The following LRRFIP1 variants were observed in gnomAD, a reference collection of about 807,000 sequenced individuals.
LRRFIP1 encodes the protein LRR binding FLII interacting protein 1.
Under a neutral mutation model 104.4 loss-of-function variants are expected in LRRFIP1, and 62 were observed. The observed-to-expected ratio is 0.59, with a 90% CI of 0.48 to 0.73. The LOEUF (loss-of-function observed/expected upper bound fraction) is 0.73, where lower values mean the gene tolerates loss of function less well. LRRFIP1 is among the 30% of genes least tolerant of loss of function. The probability of loss-of-function intolerance (pLI) is 0.00; values close to 1 mark genes in which losing one functional copy is unlikely to be tolerated. For missense variants in LRRFIP1, 796 were observed against 824.5 expected (o/e 0.97, Z 0.42); for synonymous variants, 300 against 299.0 (o/e 1.00, Z -0.03).
intron 11 of LRRFIP1, among the ~76,000 whole-genome samples, chr2:237,742,342 C>T (rs76819298): frequency 0.054 from 8,226 of 152,206 alleles, 336 homozygotes; most frequent in East Asian, 0.14. Flanking sequence ...AGGTCAGTCC[C>T]GCAGTGAGGG....
intron 1 of LRRFIP1, among the ~76,000 whole-genome samples, chr2:237,628,666 C>T (rs1045280695): frequency 6.6e-6 from 1 of 152,154 alleles, no homozygotes; most frequent in Non-Finnish European, 1.5e-5. Context: ...TGTAACCCGC[C>T]TTACAGGTTC....
At chr2:237,694,407 A>G (rs923743734) in intron 1 of LRRFIP1, among the ~76,000 whole-genome samples, 1 of 152,022 alleles carries the variant, frequency 6.6e-6, no homozygotes, top group Non-Finnish European at 1.5e-5. Flanking sequence ...AGTTCCTGTT[A>G]AGAGGCTAAT....
At position 237,766,163 on chromosome 2, in the gene LRRFIP1, T is replaced by C. The variant is rs2060240297; in HGVS notation, c.1460-3780T>C. 6.6e-6 allele frequency among the ~76,000 whole-genome samples: 1 copy of C among 152,190 alleles called. No homozygotes were observed. The highest frequency in any genetic ancestry group is 2.4e-5 in the African/African-American group (1 of 41,440). On this transcript the variant is annotated intron_variant, in intron 19 of 23. Transcript: ENST00000308482. This position sits in a 1 kb window ranked among gnomAD's most constrained non-coding sequence, Gnocchi z 4.8. ...CACCATCCCCTGTGATCTGTGGTTC[T>C]GATGTGCAGCCTCAGCTGAAAACGG...
At position 237,739,301 on chromosome 2, in the gene LRRFIP1, A is replaced by G; in HGVS notation, c.625A>G (p.Ser209Gly). The change falls in exon 11 of 24, where the codon AGC becomes GGC. Residue 209 changes from serine (S) to glycine (G), a missense_variant. By Grantham distance (56) the Ser-to-Gly change is moderately conservative (BLOSUM62 0). Coordinates refer to ENST00000308482, the MANE Select transcript of LRRFIP1 (RefSeq NM_001137550.2). ...ASSRASSARA[S>G]PVVEERPEKD... ...CTCCAGGGCCAGCTCGGCCCGGGCC[A>G]GCCCTGTGGTAAGTCGGCCTCCTGG... 1 of 1,559,260 alleles carries G rather than the reference A, an allele frequency of 6.4e-7. No homozygotes were observed.
intron 1 of LRRFIP1, among the ~76,000 whole-genome samples, chr2:237,681,667 G>A (rs936362915): frequency 7.8e-5 from 9 of 115,070 alleles, no homozygotes; most frequent in Non-Finnish European, 1.4e-4. Context: ...GTGCCCGGCC[G>A]CAGTCCTATT....
chr2:237,708,229 C>T (rs1391928337), intron 1 of LRRFIP1, among the ~76,000 whole-genome samples: 1 of 152,198 alleles, frequency 6.6e-6, no homozygotes, highest in Non-Finnish European at 1.5e-5. Context: ...TCTGTGCCTT[C>T]GTTCCCTCAT....
chr2:237,680,847 G>A (rs192667072), intron 1 of LRRFIP1, among the ~76,000 whole-genome samples: 157 of 152,240 alleles, frequency 1.0e-3, no homozygotes, highest in East Asian at 4.6e-3. Context: ...CAGGCAAGGT[G>A]GCACAGGCCT....
At chr2:237,687,992 G>A (rs1187394374) in intron 1 of LRRFIP1, among the ~76,000 whole-genome samples, 1 of 152,238 alleles carries the variant, frequency 6.6e-6, no homozygotes, top group Admixed American at 6.5e-5. Context: ...GCATTTTCTG[G>A]TTAGCTATGA....
intron 1 of LRRFIP1, among the ~76,000 whole-genome samples, chr2:237,690,465 G>A (rs35396814): frequency 0.21 from 32,008 of 152,022 alleles, 3,562 homozygotes; most frequent in South Asian, 0.29. Context: ...GGCCAGGCGC[G>A]GTGGCTCACA....
chr2:237,715,999 A>G (rs2094320057), intron 3 of LRRFIP1, among the ~76,000 whole-genome samples: 1 of 152,248 alleles, frequency 6.6e-6, no homozygotes, highest in Non-Finnish European at 1.5e-5. Flanking sequence ...TGTCATGAAA[A>G]GAGCAAGTTA....
intron 1 of LRRFIP1, among the ~76,000 whole-genome samples, chr2:237,670,811 C>A (rs2090226028): frequency 6.6e-6 from 1 of 152,236 alleles, no homozygotes; most frequent in Non-Finnish European, 1.5e-5. Context: ...GATTGTTCCT[C>A]CCCGTGGGGC....
intron 1 of LRRFIP1, among the ~76,000 whole-genome samples, chr2:237,653,965 T>C (rs949326623): frequency 6.6e-6 from 1 of 152,196 alleles, no homozygotes; most frequent in Admixed American, 6.5e-5. Context: ...TTTTTGGATA[T>C]GACTCAAGAG....
In LRRFIP1 at chr2:237,735,396, C is replaced by A; in HGVS notation, c.555+63C>A. The stretch of plus-strand genomic sequence containing the variant: ...CTGCTGCATGGCCTGGGGATGCTCG[C>A]TGGGCAGGGTCCAGCCGTGGGGGGT... On this transcript the variant is annotated intron_variant, in intron 10 of 23. Coordinates refer to ENST00000308482, the MANE Select transcript of LRRFIP1 (RefSeq NM_001137550.2). This position sits in a 1 kb window ranked among gnomAD's most constrained non-coding sequence, Gnocchi z 4.6. 2 of 1,520,610 alleles carry A rather than the reference C, an allele frequency of 1.3e-6. No homozygotes were observed. Among genetic ancestry groups the A allele is most frequent in the Non-Finnish European group, 1.8e-6 (2 of 1,117,338 alleles). The allele number at this position is 1,520,610 out of a possible 1,614,324, so 94.2% of individuals were successfully genotyped here. A position where few individuals can be genotyped will look rare whatever the true frequency, so the allele number is the denominator to read the frequency against.
intron 11 of LRRFIP1, among the ~76,000 whole-genome samples, chr2:237,746,457 A>G (rs1334606406): frequency 6.6e-6 from 1 of 152,204 alleles, no homozygotes; most frequent in Non-Finnish European, 1.5e-5. Flanking sequence ...ACAACTCAAC[A>G]TGGCTGCAGG....
At chr2:237,775,923 C>G (rs2061050474) in intron 23 of LRRFIP1, among the ~76,000 whole-genome samples, 1 of 151,638 alleles carries the variant, frequency 6.6e-6, no homozygotes, top group Non-Finnish European at 1.5e-5. Context: ...TGCCATTTCT[C>G]TCCTCTTTAT....
chr2:237,698,793 C>G (rs1365499063), intron 1 of LRRFIP1, among the ~76,000 whole-genome samples: 1 of 143,784 alleles, frequency 7.0e-6, no homozygotes, highest in East Asian at 2.1e-4. Context: ...CTGGTTCATA[C>G]AGTGTGATGG....
intron 19 of LRRFIP1, among the ~76,000 whole-genome samples, chr2:237,762,281 G>A (rs555085166): frequency 7.7e-4 from 118 of 152,272 alleles, no homozygotes; most frequent in Non-Finnish European, 1.2e-3. Flanking sequence ...CCATCATTGT[G>A]GATTGTTTGG....
chr2:237,667,061 G>T (rs1440979582), intron 1 of LRRFIP1, among the ~76,000 whole-genome samples: 1 of 151,022 alleles, frequency 6.6e-6, no homozygotes, highest in Admixed American at 6.6e-5. Context: ...TGAAGAACAT[G>T]CAGGTTTGTT....
At chr2:237,636,146 A>T (rs2083071308) in intron 1 of LRRFIP1, among the ~76,000 whole-genome samples, 1 of 151,236 alleles carries the variant, frequency 6.6e-6, no homozygotes, top group African/African-American at 2.4e-5. Flanking sequence ...AACTTTTAGG[A>T]TCTTCTCTTT....
Sources: gnomAD v4.1 joint callset for allele counts (sites outside exome capture counted in the v4.1 genomes callset) on GRCh38, gnomAD v4.1.1 for gene constraint, Gnocchi (gnomAD v3.1) non-coding constraint, MANE v1.5 for transcripts, NCBI Gene and HGNC (gene_info 2026-07-23, HGNC 2026-07-21) for gene names.